Variants in CEACAM20 observed in about 807,000 individuals in gnomAD.
The protein encoded by CEACAM20 is CEA cell adhesion molecule 20, also known as cell adhesion molecule CEACAM20.
A neutral mutation model predicts 61.2 loss-of-function variants in CEACAM20; 50 were observed. The observed-to-expected ratio is 0.82, with a 90% CI of 0.65 to 1.03. The LOEUF (loss-of-function observed/expected upper bound fraction) is 1.03. Ranked by LOEUF, CEACAM20 falls within the 50% of genes least tolerant of loss-of-function variation. The pLI is 0.00. For missense variants in CEACAM20, 683 were observed against 736.4 expected (o/e 0.93, Z 0.84); for synonymous variants, 282 against 287.7 (o/e 0.98, Z 0.20).
chr19:44,518,160 AAGGAAGG>A (rs1971243999), intron 5 of CEACAM20, among the ~76,000 whole-genome samples: 14,165 of 79,190 alleles, frequency 0.18, 1,991 homozygotes, highest in Non-Finnish European at 0.23. Context: ...GGAAGGAAGG[AAGGAAGG>A]AAGAAAGCAG....
chr19:44,513,295 C>A lies in CEACAM20; in HGVS notation c.1310-6G>T. The A allele has an allele frequency of 6.3e-7, 1 of 1,597,710 alleles. No individual in the cohort carries two copies. The highest frequency in any genetic ancestry group is 2.2e-5 in the East Asian group (1 of 44,772). The stretch of plus-strand genomic sequence containing the variant: ...CAGGGAGGAGGACTGGGGACCTGGG[C>A]AAGGAGACAGAATCAAGACCCAGGC... On this transcript the variant is annotated splice_polypyrimidine_tract_variant and splice_region_variant and intron_variant, in intron 6 of 11. Coordinates refer to ENST00000614924, the MANE Select transcript of CEACAM20 (RefSeq NM_001102597.3).
At position 44,512,959 on chromosome 19, in the gene CEACAM20, A is replaced by T; in HGVS notation, c.1428-6T>A. On this transcript the variant is annotated splice_region_variant and splice_polypyrimidine_tract_variant and intron_variant, in intron 7 of 11. Transcript: ENST00000614924. ...CTGTTGTTTTCCTTGAGGGCCTGAAACCCCAAAGCCCTCATTATTCTGTGC... is the reference window on the plus strand; with the variant it reads ...CTGTTGTTTTCCTTGAGGGCCTGAATCCCCAAAGCCCTCATTATTCTGTGC... 1.9e-6 allele frequency: 3 copies of T among 1,607,726 alleles called. No homozygotes were observed. The highest frequency in any genetic ancestry group is 2.6e-6 in the Non-Finnish European group (3 of 1,176,292).
Position 44,526,823 on chromosome 19 carries a change from G to A in CEACAM20, c.53-1579C>T, listed in dbSNP as rs547548107. On this transcript the variant is annotated intron_variant, in intron 1 of 11. Coordinates refer to ENST00000614924, the MANE Select transcript of CEACAM20 (RefSeq NM_001102597.3). Reference sequence around the variant, plus strand: ...CAGGAGGAAGAGGTTGTCGTGAGCCGAGATTGTGCCACTGCACTCCAGCCT... The same window carrying A: ...CAGGAGGAAGAGGTTGTCGTGAGCCAAGATTGTGCCACTGCACTCCAGCCT... 3.4e-5 allele frequency among the ~76,000 whole-genome samples: 5 copies of A among 146,464 alleles called. No homozygotes were observed. The South Asian group carries it at 6.6e-4, about 19-fold the overall frequency.
rs1330513907 is a variant in CEACAM20, at chr19:44,525,187, T to C, written c.110A>G (p.Asn37Ser). The C allele has an allele frequency of 3.1e-6, 5 of 1,609,780 alleles. No individual in the cohort carries two copies. In the South Asian group the frequency reaches 4.4e-5, roughly 14 times the overall value. ...PAAAQLTLNA[N>S]PLDATQSEDV... ...CTCACTTTGGGTGGCATCAAGTGGG[T>C]TGGCATTGAGGGTGAGCTGGGCTGC... Residue 37 changes from asparagine (N) to serine (S), a missense_variant, in exon 2 of 12, where the codon AAC (asparagine) becomes AGC (serine). Coordinates refer to ENST00000614924, the MANE Select transcript of CEACAM20 (RefSeq NM_001102597.3).
chr19:44,515,154 G>A (rs1472381711), intron 6 of CEACAM20, among the ~76,000 whole-genome samples: 1 of 151,932 alleles, frequency 6.6e-6, no homozygotes, highest in African/African-American at 2.4e-5. Flanking sequence ...GACTTTTGAA[G>A]GGATTAATGA....
intron 1 of CEACAM20, among the ~76,000 whole-genome samples, chr19:44,529,194 G>C (rs369998504): frequency 1.3e-5 from 2 of 151,510 alleles, no homozygotes; most frequent in Non-Finnish European, 2.9e-5. Context: ...CAAACTCCTG[G>C]CCTCAAGTGA....
In CEACAM20 at chr19:44,520,467, G is replaced by T; in HGVS notation, c.1030+7C>A. 2.5e-6 allele frequency: 4 copies of T among 1,610,244 alleles called. No homozygotes were observed. Among genetic ancestry groups the T allele is most frequent in the South Asian group, 1.1e-5 (1 of 90,878 alleles). On this transcript the variant is annotated splice_region_variant and intron_variant, in intron 5 of 11. Coordinates refer to ENST00000614924, the MANE Select transcript of CEACAM20 (RefSeq NM_001102597.3). ...GATGGGGAAGGTCCAGGCCCTGGGT[G>T]ACTCACAGTTGATGGTCAGCTCAAG...
At chr19:44,513,130 C>T (rs756445358) in intron 7 of CEACAM20, 42 bp downstream of exon 7, 2 of 1,519,744 alleles carry the variant, frequency 1.3e-6, no homozygotes, top group Admixed American at 1.8e-5. Context: ...CCCTGCTGGC[C>T]ACATCCCCAT....
chr19:44,508,100 A>G (rs1206766718), intron 11 of CEACAM20, among the ~76,000 whole-genome samples: 1 of 152,128 alleles, frequency 6.6e-6, no homozygotes, highest in Admixed American at 6.5e-5. Context: ...CTCTTTTCCA[A>G]ACCCAAGAAA....
At chr19:44,520,845 CGTGT>C (rs57244256) in intron 4 of CEACAM20, 93 bp from the exon 5 acceptor site, 232,690 of 965,602 alleles carry the variant, frequency 0.24, 21,071 homozygotes, top group East Asian at 0.48. Flanking sequence ...GGAGTGCGTG[CGTGT>C]GTGTGTGTGT....
chr19:44,523,160 G>T (rs1246692190), intron 3 of CEACAM20, among the ~76,000 whole-genome samples: 1 of 152,084 alleles, frequency 6.6e-6, no homozygotes, highest in African/African-American at 2.4e-5. Context: ...TGTAATCCCA[G>T]CATTTTGGGA....
At chr19:44,529,354 GCACACACACACACACACACACACACACA>G in intron 1 of CEACAM20, 76 bp downstream of exon 1, 14 of 658,916 alleles carry the variant, frequency 2.1e-5, no homozygotes, top group Non-Finnish European at 3.3e-5. Context: ...TTCCTCGAGT[GCACACACACACACACACACACACACACA>G]CACACACACA....
chr19:44,527,276 CGAT>C (rs3059866), intron 1 of CEACAM20, among the ~76,000 whole-genome samples: 54,282 of 151,712 alleles, frequency 0.36, 10,458 homozygotes, highest in East Asian at 0.6. Context: ...ATGATGGCAA[CGAT>C]GATGATGATG....
chr19:44,524,315 C>G lies in CEACAM20; in HGVS notation c.197-54G>C, dbSNP rs1372752270. The G allele has an allele frequency of 3.9e-6, 6 of 1,557,718 alleles. No individual in the cohort carries two copies. The Admixed American group carries it at 1.1e-4, about 28-fold the overall frequency. ...GAGACACAGGTAGAGGAAGAACAAA[C>G]AAGACATAGTCACAGAGGGACCCAG... On this transcript the variant is annotated intron_variant, in intron 2 of 11. Transcript: ENST00000614924.
At chr19:44,514,622 T>G (rs927693369) in intron 6 of CEACAM20, among the ~76,000 whole-genome samples, 1 of 151,728 alleles carries the variant, frequency 6.6e-6, no homozygotes, top group African/African-American at 2.4e-5. Context: ...CTAATTTGTG[T>G]GTGTGTGTGT....
chr19:44,516,329 G>C (rs949461243), intron 6 of CEACAM20, among the ~76,000 whole-genome samples: 3 of 152,164 alleles, frequency 2.0e-5, no homozygotes, highest in African/African-American at 7.2e-5. Context: ...ATCACGATAT[G>C]ATTTGGCTGT....
At chr19:44,509,569 A>G (rs1388060943) in intron 11 of CEACAM20, among the ~76,000 whole-genome samples, 2 of 152,162 alleles carry the variant, frequency 1.3e-5, no homozygotes, top group Non-Finnish European at 2.9e-5. Context: ...AGTAATAAAG[A>G]CAAGGGAATG....
chr19:44,525,256 G>C lies in CEACAM20; in HGVS notation c.53-12C>G. ...GGTACAAAGCGAGGCTACAAGGGGA[G>C]AGAGGAGGCATTCAGGGAGGGAGAG... On this transcript the variant is annotated splice_polypyrimidine_tract_variant and intron_variant, in intron 1 of 11. Coordinates refer to ENST00000614924, the MANE Select transcript of CEACAM20 (RefSeq NM_001102597.3). 6.4e-7 allele frequency: 1 copy of C among 1,564,474 alleles called. No homozygotes were observed. The highest frequency in any genetic ancestry group is 1.2e-5 in the South Asian group (1 of 83,544).
rs1233230375 is a variant in CEACAM20 at position 44,507,438 on chromosome 19, G to T, written c.1738-1224C>A. ...ACCTAGAAATGCTTAAAGGGCAGCA[G>T]AAGATGTTGTTATATATACTCTGAA... On this transcript the variant is annotated intron_variant, in intron 11 of 11. Coordinates refer to ENST00000614924, the MANE Select transcript of CEACAM20 (RefSeq NM_001102597.3). 4.6e-5 allele frequency among the ~76,000 whole-genome samples: 7 copies of T among 152,200 alleles called. No individual in the cohort carries two copies. The East Asian group carries it at 1.3e-3, about 29-fold the overall frequency.
Sources: gnomAD v4.1 joint callset for allele counts (sites outside exome capture counted in the v4.1 genomes callset) on GRCh38, gnomAD v4.1.1 for gene constraint, MANE v1.5 for transcripts, NCBI Gene and HGNC (gene_info 2026-07-23, HGNC 2026-07-21) for gene names.